KDM1A: variants seen among roughly 807,000 people sequenced by gnomAD.
KDM1A encodes lysine demethylase 1A.
KDM1A carries 49 observed loss-of-function variants against 109.4 expected under a neutral mutation model. That is an observed-to-expected ratio of 0.45 (90% CI 0.36 to 0.57). KDM1A has a LOEUF of 0.57. Among genes scored for constraint, KDM1A ranks in the 20% least tolerant of loss-of-function variants. The pLI is 0.00. For missense variants in KDM1A, 668 were observed against 1,116.6 expected, an observed-to-expected ratio of 0.60 and a Z score of 5.73; for synonymous variants, 380 against 415.4, an observed-to-expected ratio of 0.91 and a Z score of 1.04.
chr1:23,065,978 G>T (rs2124501130), intron 9 of KDM1A, 82 bp from the exon 10 acceptor site: 2 of 1,572,892 alleles, frequency 1.3e-6, no homozygotes, highest in South Asian at 2.4e-5. Flanking sequence ...TGATTTTATT[G>T]CTGTCATACA....
chr1:23,058,903 T>A (rs894970534), intron 8 of KDM1A, among the ~76,000 whole-genome samples, 170 bp from the exon 9 acceptor site: 1 of 152,160 alleles, frequency 6.6e-6, no homozygotes, highest in African/African-American at 2.4e-5. Context: ...TTTTTTTGCC[T>A]TCATGTTTGT....
intron 3 of KDM1A, among the ~76,000 whole-genome samples, chr1:23,050,093 T>G (rs1642621878): frequency 6.6e-6 from 1 of 152,232 alleles, no homozygotes; most frequent in African/African-American, 2.4e-5. Context: ...TGTACACCTG[T>G]CAGTAGTGCT....
Position 23,079,227 on chromosome 1 carries a change from G to C in KDM1A, c.2055+50G>C. The C allele has an allele frequency of 6.4e-7, 1 of 1,560,452 alleles. No homozygotes were observed. Among genetic ancestry groups the C allele is most frequent in the Non-Finnish European group, 8.7e-7 (1 of 1,147,434 alleles). Reference sequence around the variant, plus strand: ...CTACAGATCTGATGTACAAATAGCAGTCTTCGTTGTTTACTTGGTGAGGAG... The same window carrying C: ...CTACAGATCTGATGTACAAATAGCACTCTTCGTTGTTTACTTGGTGAGGAG... On this transcript the variant is annotated intron_variant, in intron 17 of 20. Transcript: ENST00000400181. The surrounding 1 kb of genome is among the most constrained non-coding windows in gnomAD (Gnocchi z 5.6).
chr1:23,063,384 C>G (rs888472900), intron 9 of KDM1A, among the ~76,000 whole-genome samples: 17 of 152,012 alleles, frequency 1.1e-4, no homozygotes, highest in Non-Finnish European at 2.2e-4. Context: ...TGTCAGGTCT[C>G]TTACAAACAC....
chr1:23,071,454 C>T, intron 13 of KDM1A, 95 bp downstream of exon 13: 1 of 1,196,464 alleles, frequency 8.4e-7, no homozygotes, highest in East Asian at 2.4e-5. Flanking sequence ...ACTAGCCAAT[C>T]ACAAGTGCCT....
intron 1 of KDM1A, among the ~76,000 whole-genome samples, chr1:23,020,869 CA>C (rs1641604032): frequency 6.6e-6 from 1 of 152,148 alleles, no homozygotes; most frequent in Admixed American, 6.5e-5. Flanking sequence ...GCCCTTGAAA[CA>C]AAGGACCACA....
chr1:23,022,395 G>A (rs1195740060), intron 1 of KDM1A, among the ~76,000 whole-genome samples: 5 of 150,970 alleles, frequency 3.3e-5, no homozygotes, highest in African/African-American at 9.7e-5. Context: ...GAGTGCAGTG[G>A]CATGACCTCG....
chr1:23,075,981 GATT>G (rs1002424744), intron 15 of KDM1A, among the ~76,000 whole-genome samples: 2 of 152,170 alleles, frequency 1.3e-5, no homozygotes, highest in Non-Finnish European at 2.9e-5. Flanking sequence ...TTAATCTTTA[GATT>G]ATAATCTGAT....
chr1:23,042,451 T>A lies in KDM1A; in HGVS notation c.518-1976T>A, dbSNP rs1463084983. ...CTATGAAATATATTATTTTTTTTTT[T>A]TTTTTTTTTTTTTTTTTTTGAGACG... On this transcript the variant is annotated intron_variant, in intron 2 of 20. Coordinates refer to ENST00000400181, the MANE Select transcript of KDM1A (RefSeq NM_001009999.3). 2.6e-3 allele frequency among the ~76,000 whole-genome samples: 264 copies of A among 102,752 alleles called. 3 individuals carry two copies. Among genetic ancestry groups the A allele is most frequent in the African/African-American group, 7.9e-3 (218 of 27,440 alleles). The allele number at this position is 102,752 out of a possible 152,430, so 67.4% of individuals were successfully genotyped here.
At chr1:23,069,548 A>C (rs751464389) in intron 12 of KDM1A, among the ~76,000 whole-genome samples, 25 of 152,182 alleles carry the variant, frequency 1.6e-4, no homozygotes, top group Admixed American at 8.5e-4. Context: ...AAAATTTATG[A>C]ATTTGTGTTG....
intron 9 of KDM1A, among the ~76,000 whole-genome samples, chr1:23,061,884 C>T (rs922961646): frequency 1.3e-5 from 2 of 152,116 alleles, no homozygotes; most frequent in African/African-American, 4.8e-5. Context: ...GTCTTGAACT[C>T]CCAACCTCAG....
intron 2 of KDM1A, among the ~76,000 whole-genome samples, chr1:23,036,158 C>T (rs1372426830): frequency 6.6e-6 from 1 of 151,936 alleles, no homozygotes; most frequent in Admixed American, 6.6e-5. Context: ...TCCATGCCTG[C>T]AAATGGAGCC....
At chr1:23,073,707 ATT>A (rs1048117642) in intron 15 of KDM1A, among the ~76,000 whole-genome samples, 2 of 152,122 alleles carry the variant, frequency 1.3e-5, no homozygotes, top group African/African-American at 4.8e-5. Context: ...TATCACTGTA[ATT>A]TTGTTTATTC....
chr1:23,046,496 A>C (rs1056882761), intron 3 of KDM1A, among the ~76,000 whole-genome samples: 1 of 152,136 alleles, frequency 6.6e-6, no homozygotes, highest in Non-Finnish European at 1.5e-5. Context: ...AGTAACTCTC[A>C]TGGAGGCCTT....
At chr1:23,054,553 A>G (rs1642769166) in intron 5 of KDM1A, among the ~76,000 whole-genome samples, 1 of 152,138 alleles carries the variant, frequency 6.6e-6, no homozygotes, top group Non-Finnish European at 1.5e-5. Context: ...TGGCGCATTC[A>G]CAGCTTACCT....
intron 20 of KDM1A, chr1:23,082,702 G>T (rs1332475298): frequency 4.7e-6 from 1 of 214,702 alleles, no homozygotes; most frequent in Admixed American, 5.2e-5. Context: ...CAATTACTAG[G>T]GGCTTCCAGG....
At chr1:23,049,812 T>C (rs1404905640) in intron 3 of KDM1A, among the ~76,000 whole-genome samples, 1 of 152,234 alleles carries the variant, frequency 6.6e-6, no homozygotes, top group Admixed American at 6.5e-5. Flanking sequence ...TTCTAATGTT[T>C]CTGCCAGCAA....
chr1:23,051,338 C>G (rs1046561852), intron 4 of KDM1A, among the ~76,000 whole-genome samples: 1 of 152,112 alleles, frequency 6.6e-6, no homozygotes, highest in Admixed American at 6.5e-5. Flanking sequence ...TTGACTCTAC[C>G]TATTATTTCC....
chr1:23,045,163 A>G (rs1420182389), intron 3 of KDM1A, among the ~76,000 whole-genome samples: 6 of 152,214 alleles, frequency 3.9e-5, no homozygotes, highest in African/African-American at 1.4e-4. Flanking sequence ...GCAATCCAAA[A>G]TAACGTATCT....
Sources: gnomAD v4.1 joint callset for allele counts (sites outside exome capture counted in the v4.1 genomes callset) on GRCh38, gnomAD v4.1.1 for gene constraint, Gnocchi (gnomAD v3.1) non-coding constraint, MANE v1.5 for transcripts, NCBI Gene and HGNC (gene_info 2026-07-23, HGNC 2026-07-21) for gene names.